The following KLRG1 variants were observed in gnomAD, a reference collection of about 807,000 sequenced individuals.
KLRG1 encodes the protein killer cell lectin like receptor G1.
Under a neutral mutation model 21.8 loss-of-function variants are expected in KLRG1, and 16 were observed. The observed-to-expected ratio is 0.73, with a 90% CI of 0.50 to 1.11. KLRG1 has a LOEUF of 1.11. KLRG1 is among the 50% of genes most tolerant of loss of function. The pLI is 0.00. For synonymous variants in KLRG1, 69 were observed against 75.9 expected (o/e 0.91, Z 0.47); for missense variants, 173 against 218.3 (o/e 0.79, Z 1.31).
chr12:9,197,060 A>C, the KLRG1 span: 1 of 1,613,656 alleles, frequency 6.2e-7, no homozygotes, highest in Non-Finnish European at 8.5e-7. Flanking sequence ...AATTAAGAAC[A>C]CGAGATAATT....
At chr12:9,200,526 A>T in the KLRG1 span, 15 of 1,169,386 alleles carry the variant, frequency 1.3e-5, no homozygotes, top group Non-Finnish European at 1.9e-5. Flanking sequence ...TATGTCTATA[A>T]TTTTTCCCAA....
rs377533556 is a variant in KLRG1 at position 8,974,369 on chromosome 12, G to A, written c.-155-17837G>A. Among the ~76,000 whole-genome samples, 91 of 151,998 alleles carry A rather than the reference G, an allele frequency of 6.0e-4. 1 individual carries two copies. The highest frequency in any genetic ancestry group is 2.1e-3 in the African/African-American group (87 of 41,478). ...TTTTTAGTAGAGACGGGGTTTCACC[G>A]TGTTAGCCAGGATGGTCTCGATCTC... is the stretch of plus-strand genomic sequence containing the variant. On this transcript the variant is annotated intron_variant, in intron 1 of 4. Coordinates refer to the KLRG1 transcript ENST00000539240.
chr12:8,971,362 T>G (rs1254675667), intron 1 of KLRG1: 1 of 150,400 alleles, frequency 6.6e-6, no homozygotes, highest in Non-Finnish European at 1.5e-5. Flanking sequence ...CTTGTTAAAT[T>G]TATTGACATA....
chr12:8,966,844 C>G (rs1285769922), intron 1 of KLRG1, among the ~76,000 whole-genome samples: 10 of 148,838 alleles, frequency 6.7e-5, no homozygotes, highest in African/African-American at 2.5e-4. Flanking sequence ...GGTATATACC[C>G]AAAGGACTAT....
chr12:9,029,092 C>T, the KLRG1 span: 8 of 425,918 alleles, frequency 1.9e-5, no homozygotes, highest in East Asian at 1.4e-4. Context: ...TTAGACATGA[C>T]GGCAGAAAGA....
chr12:9,061,869 C>G, the KLRG1 span, among the ~76,000 whole-genome samples: 14 of 152,056 alleles, frequency 9.2e-5, no homozygotes, highest in African/African-American at 3.1e-4. Context: ...TTATAGGTAG[C>G]TAATAGCTAA....
the KLRG1 span, chr12:9,068,151 G>A: frequency 6.2e-7 from 1 of 1,612,012 alleles, no homozygotes; most frequent in Non-Finnish European, 8.5e-7. Flanking sequence ...AAGGAGCTCT[G>A]ACTGCCTTTT....
At chr12:8,995,934 G>A (rs1022054898) in intron 3 of KLRG1, among the ~76,000 whole-genome samples, 13 of 151,966 alleles carry the variant, frequency 8.6e-5, no homozygotes, top group Admixed American at 3.9e-4. Context: ...TGCCCGCCTC[G>A]GCCTCCCAAA....
chr12:9,145,353 G>A, the KLRG1 span, among the ~76,000 whole-genome samples: 3 of 151,426 alleles, frequency 2.0e-5, no homozygotes, highest in Non-Finnish European at 2.9e-5. Context: ...AGACTTTTTG[G>A]GGTTACCTTG....
At chr12:9,166,820 A>G in the KLRG1 span, among the ~76,000 whole-genome samples, 11 of 152,344 alleles carry the variant, frequency 7.2e-5, no homozygotes, top group South Asian at 1.9e-3. Context: ...TGGTTCAGAC[A>G]AAGAAATCAT....
At chr12:9,069,758 A>T in the KLRG1 span, 22 of 1,612,514 alleles carry the variant, frequency 1.4e-5, no homozygotes, top group Non-Finnish European at 8.5e-7. Context: ...ATCAAGGTAA[A>T]TCAAGACATG....
chr12:9,109,983 C>T, the KLRG1 span: 1 of 1,613,596 alleles, frequency 6.2e-7, no homozygotes, highest in Non-Finnish European at 8.5e-7. Flanking sequence ...TTGCTTGAGG[C>T]CACCCTCTAA....
chr12:9,109,489 CTAA>C, the KLRG1 span: 6 of 1,026,294 alleles, frequency 5.8e-6, no homozygotes, highest in East Asian at 2.5e-5. Context: ...TAACAGTTCC[CTAA>C]TAATATTTTA....
chr12:9,169,008 G>C, the KLRG1 span: 1 of 1,449,836 alleles, frequency 6.9e-7, no homozygotes, highest in South Asian at 1.1e-5. Flanking sequence ...CTACTTGTAA[G>C]CTTGATTAGA....
chr12:9,160,150 T>G, the KLRG1 span: 2,919 of 1,151,466 alleles, frequency 2.5e-3, 11 homozygotes, highest in Non-Finnish European at 2.6e-3. Context: ...CATAGTTTTG[T>G]GAATGTTATG....
chr12:9,169,697 G>C, the KLRG1 span: 1 of 1,051,394 alleles, frequency 9.5e-7, no homozygotes, highest in Non-Finnish European at 1.3e-6. Context: ...TCTTGAGTAC[G>C]TTCATGTAGT....
chr12:9,130,766 A>T, the KLRG1 span, among the ~76,000 whole-genome samples: 1 of 150,354 alleles, frequency 6.7e-6, no homozygotes, highest in Non-Finnish European at 1.5e-5. Flanking sequence ...CACTCTTTTG[A>T]TTGTGTCCTT....
At chr12:9,211,780 C>T in the KLRG1 span, among the ~76,000 whole-genome samples, 2 of 152,212 alleles carry the variant, frequency 1.3e-5, no homozygotes, top group African/African-American at 4.8e-5. Context: ...GTTGGGTTCC[C>T]AGGATTGACA....
At chr12:9,059,483 C>T in the KLRG1 span, among the ~76,000 whole-genome samples, 3 of 152,150 alleles carry the variant, frequency 2.0e-5, no homozygotes, top group Non-Finnish European at 4.4e-5. Flanking sequence ...ACACCTAGCA[C>T]CTATTTACCA....
Sources: allele counts gnomAD v4.1 joint callset (sites outside exome capture counted in the v4.1 genomes callset), GRCh38; gene constraint gnomAD v4.1.1; transcripts MANE v1.5; gene names NCBI Gene and HGNC (gene_info 2026-07-23, HGNC 2026-07-21).